The following CACNB4 variants were observed in gnomAD, a reference collection of about 807,000 sequenced individuals.
CACNB4 encodes the protein calcium voltage-gated channel auxiliary subunit beta 4.
In CACNB4, 32 loss-of-function variants were observed where a neutral mutation model predicts 71.2. The ratio of observed to expected loss-of-function variants is 0.45; its 90% confidence interval spans 0.34 to 0.60. The LOEUF (loss-of-function observed/expected upper bound fraction) is 0.60. Ranked by LOEUF, CACNB4 falls within the 20% of genes least tolerant of loss-of-function variation. The pLI, the probability that CACNB4 is intolerant of heterozygous loss-of-function variation, is 0.01. For missense variants in CACNB4, 464 were observed against 647.9 expected (o/e 0.72, Z 3.08); for synonymous variants, 231 against 236.9 (o/e 0.97, Z 0.23).
At chr2:152,001,813 G>C (rs200610232) in intron 2 of CACNB4, among the ~76,000 whole-genome samples, 1 of 152,130 alleles carries the variant, frequency 6.6e-6, no homozygotes, top group East Asian at 1.9e-4. Context: ...AGGAGCTTAG[G>C]AAAGCTGGCT....
intron 2 of CACNB4, among the ~76,000 whole-genome samples, chr2:151,986,279 A>G (rs1681364753): frequency 2.0e-5 from 3 of 152,214 alleles, no homozygotes; most frequent in Non-Finnish European, 4.4e-5. Flanking sequence ...TATGCCTTTT[A>G]CTTATATACC....
chr2:151,846,392 A>G (rs1248526100), intron 12 of CACNB4, among the ~76,000 whole-genome samples: 1 of 152,154 alleles, frequency 6.6e-6, no homozygotes, highest in Non-Finnish European at 1.5e-5. Flanking sequence ...TATAAAATAC[A>G]TATTTTCTAG....
At chr2:151,970,772 G>A (rs1364561273) in intron 2 of CACNB4, 2 of 152,226 alleles carry the variant, frequency 1.3e-5, no homozygotes, top group Admixed American at 6.5e-5. Flanking sequence ...CTATGTCAAG[G>A]TAATACAAGA....
intron 2 of CACNB4, among the ~76,000 whole-genome samples, chr2:152,092,105 T>C (rs10930923): frequency 0.21 from 32,614 of 152,218 alleles, 3,692 homozygotes; most frequent in Admixed American, 0.3. Flanking sequence ...GGATCCCTTG[T>C]GTCTGTTCTA....
At chr2:152,078,440 T>C (rs1272659500) in intron 2 of CACNB4, among the ~76,000 whole-genome samples, 1 of 152,206 alleles carries the variant, frequency 6.6e-6, no homozygotes, top group Non-Finnish European at 1.5e-5. Flanking sequence ...TCATGAGGCA[T>C]AGTCTGCATA....
chr2:152,092,752 C>A (rs1688046510), intron 2 of CACNB4, among the ~76,000 whole-genome samples: 3 of 151,676 alleles, frequency 2.0e-5, no homozygotes, highest in Admixed American at 1.3e-4. Context: ...CACCCTTAAC[C>A]GTGGGGGATA....
Position 151,870,048 on chromosome 2 carries a change from C to G in CACNB4, c.699+483G>C. The G allele has an allele frequency of 5.2e-6, 3 of 581,324 alleles. No individual in the cohort carries two copies. The South Asian group carries it at 7.0e-5, about 14-fold the overall frequency. The allele number at this position is 581,324 out of a possible 1,614,324, so 36.0% of individuals were successfully genotyped here. ...TAATGTTTTTAGTGGTCTTTTAAAACATGTGCCCTTTAAAATAAATAAGCA... is the reference window on the plus strand; with the variant it reads ...TAATGTTTTTAGTGGTCTTTTAAAAGATGTGCCCTTTAAAATAAATAAGCA... On this transcript the variant is annotated intron_variant, in intron 8 of 13. Coordinates refer to ENST00000539935, the MANE Select transcript of CACNB4 (RefSeq NM_000726.5).
chr2:152,037,629 T>C (rs1684663706), intron 2 of CACNB4, among the ~76,000 whole-genome samples: 1 of 152,204 alleles, frequency 6.6e-6, no homozygotes, highest in African/African-American at 2.4e-5. Context: ...TTTTTCTCAT[T>C]CTTCTTGCTT....
chr2:152,077,539 C>T (rs1044780713), intron 2 of CACNB4, among the ~76,000 whole-genome samples: 7 of 151,722 alleles, frequency 4.6e-5, no homozygotes, highest in Non-Finnish European at 1.0e-4. Context: ...GGCGACAGAG[C>T]AAGACTCTGT....
chr2:151,888,622 T>C (rs1028417065), intron 2 of CACNB4, among the ~76,000 whole-genome samples: 1 of 152,148 alleles, frequency 6.6e-6, no homozygotes, highest in South Asian at 2.1e-4. Flanking sequence ...CTTTCCACTG[T>C]TGGAAGTGCT....
chr2:151,891,574 T>A (rs2099850727), intron 2 of CACNB4, among the ~76,000 whole-genome samples: 1 of 152,228 alleles, frequency 6.6e-6, no homozygotes, highest in Admixed American at 6.5e-5. Context: ...GGGCAAAAAC[T>A]GCTGTGATAA....
chr2:151,926,287 G>T (rs2099860238), intron 2 of CACNB4, among the ~76,000 whole-genome samples: 1 of 152,112 alleles, frequency 6.6e-6, no homozygotes, highest in Non-Finnish European at 1.5e-5. Flanking sequence ...GACAAGTGAA[G>T]AAAAGTAAAG....
At chr2:151,896,004 C>T (rs574421366) in intron 2 of CACNB4, among the ~76,000 whole-genome samples, 1 of 152,162 alleles carries the variant, frequency 6.6e-6, no homozygotes, top group East Asian at 1.9e-4. Flanking sequence ...GCCATGATAT[C>T]CAGCTAATTT....
chr2:151,872,202 T>C (rs1489717356), intron 6 of CACNB4: 2 of 497,644 alleles, frequency 4.0e-6, no homozygotes, highest in Non-Finnish European at 7.1e-6. Context: ...TAAATAAGAT[T>C]TTTCAAAATT....
intron 2 of CACNB4, among the ~76,000 whole-genome samples, chr2:152,081,622 CT>C (rs945524752): frequency 8.5e-5 from 13 of 152,196 alleles, no homozygotes; most frequent in Non-Finnish European, 1.5e-5. Flanking sequence ...CCCCCTTCTT[CT>C]TCTTACAAGA....
intron 2 of CACNB4, among the ~76,000 whole-genome samples, chr2:152,005,258 C>T (rs1451814514): frequency 6.6e-6 from 1 of 152,210 alleles, no homozygotes; most frequent in Non-Finnish European, 1.5e-5. Context: ...GTAGCAAAGA[C>T]ATGGACTCAA....
chr2:151,910,932 GA>G (rs1260367545), intron 2 of CACNB4, among the ~76,000 whole-genome samples: 2 of 152,152 alleles, frequency 1.3e-5, no homozygotes, highest in Non-Finnish European at 2.9e-5. Flanking sequence ...TATCCATGAG[GA>G]TGGAATGTTT....
intron 2 of CACNB4, among the ~76,000 whole-genome samples, chr2:151,890,863 A>G (rs2099850562): frequency 6.6e-6 from 1 of 152,154 alleles, no homozygotes; most frequent in Non-Finnish European, 1.5e-5. Flanking sequence ...TTTCTGCTCT[A>G]ACCACAAAAT....
At chr2:151,916,454 T>C (rs891236116) in intron 2 of CACNB4, among the ~76,000 whole-genome samples, 4 of 142,516 alleles carry the variant, frequency 2.8e-5, no homozygotes, top group Admixed American at 1.5e-4. Context: ...ATAAAATTAT[T>C]CATGCCTATT....
Sources: gnomAD v4.1 joint callset for allele counts (sites outside exome capture counted in the v4.1 genomes callset) on GRCh38, gnomAD v4.1.1 for gene constraint, MANE v1.5 for transcripts, NCBI Gene and HGNC (gene_info 2026-07-23, HGNC 2026-07-21) for gene names.